The following PMM2 variants were observed in gnomAD, a reference collection of about 807,000 sequenced individuals.
PMM2 encodes phosphomannomutase 2, also known as mannose-6-phosphate isomerase.
In PMM2, 35 loss-of-function variants were observed where a neutral mutation model predicts 33.2. The observed-to-expected ratio is 1.06, with a 90% CI of 0.81 to 1.40. PMM2 has a LOEUF of 1.40. Among genes scored for constraint, PMM2 ranks in the 40% most tolerant of loss-of-function variants. The pLI is 0.00. For missense variants in PMM2, 386 were observed against 306.0 expected, an observed-to-expected ratio of 1.26 and a Z score of -1.95; for synonymous variants, 153 against 114.7, an observed-to-expected ratio of 1.33 and a Z score of -2.13.
chr16:8,803,358 T>C (rs1030236693), intron 2 of PMM2, among the ~76,000 whole-genome samples: 1 of 152,248 alleles, frequency 6.6e-6, no homozygotes, highest in African/African-American at 2.4e-5. Context: ...TACCTGCTCA[T>C]GATCGCCCTT....
intron 7 of PMM2, among the ~76,000 whole-genome samples, chr16:8,820,348 C>CTTTTTTTTTTTTTT (rs1451905873): frequency 7.6e-6 from 1 of 131,362 alleles, no homozygotes; most frequent in Non-Finnish European, 1.5e-5. Flanking sequence ...GGACACAGTT[C>CTTTTTTTTTTTTTT]TTCTTTTTTT....
chr16:8,803,244 T>C (rs939164263), intron 2 of PMM2, among the ~76,000 whole-genome samples: 2 of 152,218 alleles, frequency 1.3e-5, no homozygotes, highest in Non-Finnish European at 2.9e-5. Context: ...CTGCAATCTC[T>C]TTAAAACTCT....
Position 8,847,790 on chromosome 16 carries a change from G to A in PMM2, c.706G>A (p.Asp236Asn), listed in dbSNP as rs767340111. The change falls in exon 8 of 8, where the codon GAC (aspartate) becomes AAC (asparagine). Residue 236 changes from aspartate to asparagine, a missense_variant. Physicochemically the swap from Asp to Asn is conservative, Grantham distance 23. Coordinates refer to ENST00000268261, the MANE Select transcript of PMM2 (RefSeq NM_000303.3). ...TMGYSVTAPE[D>N]TRRICELLFS The stretch of plus-strand genomic sequence containing the variant: ...GGGCTACTCCGTGACAGCGCCTGAG[G>A]ACACGCGCAGGATCTGTGAACTGCT... The A allele has an allele frequency of 1.1e-5, 17 of 1,613,722 alleles. No individual in the cohort carries two copies. Among genetic ancestry groups the A allele is most frequent in the Non-Finnish European group, 1.4e-5 (16 of 1,179,870 alleles).
intron 7 of PMM2, among the ~76,000 whole-genome samples, chr16:8,825,757 T>TTA (rs1555450883): frequency 1.9e-4 from 1 of 5,252 alleles, no homozygotes; most frequent in African/African-American, 4.1e-4. Context: ...TAAAACACTA[T>TTA]TTTTTTTTTT....
At position 8,811,183 on chromosome 16, in the gene PMM2, G is replaced by A. The variant is rs367852554; in HGVS notation, c.447+5G>A. 7.1e-5 allele frequency: 109 copies of A among 1,532,972 alleles called. No homozygotes were observed. Among genetic ancestry groups the A allele is most frequent in the Non-Finnish European group, 9.2e-5 (103 of 1,125,488 alleles). 95.0% of individuals were successfully genotyped at this position (1,532,972 alleles called of 1,614,324 possible). A position where few individuals can be genotyped will look rare whatever the true frequency, so the allele number is the denominator to read the frequency against. On this transcript the variant is annotated splice_donor_5th_base_variant and intron_variant, in intron 5 of 7. Coordinates refer to ENST00000268261, the MANE Select transcript of PMM2 (RefSeq NM_000303.3). ...GAGTTCTACGAACTCGATAAAGTAC[G>A]TCTTTCTGAAATATCTTTGGTGAAT... is the stretch of plus-strand genomic sequence containing the variant.
intron 3 of PMM2, among the ~76,000 whole-genome samples, chr16:8,805,341 T>TA (rs1187226540): frequency 1.3e-5 from 2 of 152,124 alleles, no homozygotes; most frequent in Non-Finnish European, 2.9e-5. Context: ...GTGCTGGGAT[T>TA]ACAGGCATGA....
chr16:8,828,946 G>T (rs563843081), intron 7 of PMM2, among the ~76,000 whole-genome samples: 1 of 152,180 alleles, frequency 6.6e-6, no homozygotes, highest in Non-Finnish European at 1.5e-5. Context: ...ATTCATCTGA[G>T]GCATGTGAGA....
intron 1 of PMM2, among the ~76,000 whole-genome samples, chr16:8,799,082 A>G (rs576137812): frequency 1.8e-4 from 27 of 152,344 alleles, no homozygotes; most frequent in African/African-American, 6.5e-4. Context: ...GTAAAGGGCC[A>G]TATAGCAAAT....
chr16:8,847,501 C>G, intron 7 of PMM2: 1 of 555,262 alleles, frequency 1.8e-6, no homozygotes, highest in South Asian at 2.0e-5. Flanking sequence ...GGCATAATTA[C>G]GTGTTCCAAG....
At chr16:8,846,161 C>A (rs986883245) in intron 7 of PMM2, among the ~76,000 whole-genome samples, 6 of 152,286 alleles carry the variant, frequency 3.9e-5, no homozygotes, top group African/African-American at 1.2e-4. Context: ...CTGGGCCCAG[C>A]GACGTTCCCT....
chr16:8,816,124 C>CATTTT (rs1218305825), intron 7 of PMM2, among the ~76,000 whole-genome samples: 2 of 151,552 alleles, frequency 1.3e-5, no homozygotes, highest in East Asian at 1.9e-4. Context: ...CCAGGATGGC[C>CATTTT]ATTTTATTTT....
At chr16:8,844,864 A>T (rs1297924192) in intron 7 of PMM2, among the ~76,000 whole-genome samples, 1 of 152,226 alleles carries the variant, frequency 6.6e-6, no homozygotes, top group Non-Finnish European at 1.5e-5. Flanking sequence ...AGAAGAGAGT[A>T]AAAAGAGGCT....
At chr16:8,844,832 C>A (rs191722482) in intron 7 of PMM2, among the ~76,000 whole-genome samples, 7 of 152,086 alleles carry the variant, frequency 4.6e-5, no homozygotes, top group African/African-American at 9.7e-5. Flanking sequence ...AGGAGAAAGA[C>A]GGTGAGGGAT....
chr16:8,798,685 T>C (rs1162312373), intron 1 of PMM2, among the ~76,000 whole-genome samples: 1 of 152,178 alleles, frequency 6.6e-6, no homozygotes, highest in African/African-American at 2.4e-5. Context: ...TTTCAGATTT[T>C]GCTGCTACAG....
chr16:8,845,430 G>A (rs1038830123), intron 7 of PMM2, among the ~76,000 whole-genome samples: 1 of 152,152 alleles, frequency 6.6e-6, no homozygotes, highest in African/African-American at 2.4e-5. Flanking sequence ...GGGATGCGAT[G>A]GCTTGGCTTG....
rs1002743015 is a variant in PMM2, at chr16:8,847,975, C to T, written c.*150C>T. On this transcript the variant is annotated 3_prime_UTR_variant, in exon 8 of 8. Transcript: ENST00000268261. The stretch of plus-strand genomic sequence containing the variant: ...CAGGCATGTGCAGTCTGGACTTCCA[C>T]CTCCAGTGCCAGAAACTTCCAGAAG... 1.7e-5 allele frequency: 11 copies of T among 637,648 alleles called. No individual in the cohort carries two copies. The East Asian group carries it at 2.5e-4, about 14-fold the overall frequency. 39.5% of individuals were successfully genotyped at this position (637,648 alleles called of 1,614,324 possible).
Position 8,847,994 on chromosome 16 carries a change from C to A in PMM2, c.*169C>A. On this transcript the variant is annotated 3_prime_UTR_variant, in exon 8 of 8. Transcript: ENST00000268261. Reference sequence around the variant, plus strand: ...CTTCCACCTCCAGTGCCAGAAACTTCCAGAAGGAAGGAGAAAACTCTTGTC... The same window carrying A: ...CTTCCACCTCCAGTGCCAGAAACTTACAGAAGGAAGGAGAAAACTCTTGTC... 1.6e-6 allele frequency: 1 copy of A among 622,126 alleles called. No homozygotes were observed. The highest frequency in any genetic ancestry group is 1.8e-5 in the South Asian group (1 of 54,572). 38.5% of individuals were successfully genotyped at this position (622,126 alleles called of 1,614,324 possible). A position where few individuals can be genotyped will look rare whatever the true frequency, so the allele number is the denominator to read the frequency against.
intron 7 of PMM2, among the ~76,000 whole-genome samples, chr16:8,838,018 C>A (rs1350141010): frequency 6.6e-6 from 1 of 152,094 alleles, no homozygotes. Flanking sequence ...TTTGTGTGAG[C>A]AACATGGCTG....
intron 7 of PMM2, chr16:8,832,416 T>TGC: frequency 2.0e-6 from 2 of 985,324 alleles, no homozygotes; most frequent in Non-Finnish European, 2.4e-6. Flanking sequence ...GCGAGTTACA[T>TGC]GCACACAGAT....
Sources: gnomAD v4.1 joint callset for allele counts (sites outside exome capture counted in the v4.1 genomes callset) on GRCh38, gnomAD v4.1.1 for gene constraint, MANE v1.5 for transcripts, NCBI Gene and HGNC (gene_info 2026-07-23, HGNC 2026-07-21) for gene names.